BCAS3: variants seen among roughly 807,000 people sequenced by gnomAD.
The protein encoded by BCAS3 is BCAS3 microtubule associated cell migration factor.
In BCAS3, 53 loss-of-function variants were observed where a neutral mutation model predicts 116.1. The observed-to-expected ratio is 0.46, with a 90% CI of 0.37 to 0.57. The LOEUF (loss-of-function observed/expected upper bound fraction) is 0.57, where lower values mean the gene tolerates loss of function less well. Among genes scored for constraint, BCAS3 ranks in the 20% least tolerant of loss-of-function variants. The pLI is 0.00. For missense variants in BCAS3, 917 were observed against 1,165.4 expected (o/e 0.79, Z 3.10); for synonymous variants, 391 against 408.2 (o/e 0.96, Z 0.51).
Position 60,926,556 on chromosome 17 carries a change from C to G in BCAS3, c.1087+2056C>G, listed in dbSNP as rs780078484. 6.7e-4 allele frequency among the ~76,000 whole-genome samples: 102 copies of G among 151,946 alleles called. 1 individual carries two copies. The highest frequency in any genetic ancestry group is 1.2e-3 in the Non-Finnish European group (83 of 67,996). ...GTAGGATTGATTTAATTAATAAAGG[C>G]AAGATTTATTGAAATTCTGTGAGTG... On this transcript the variant is annotated intron_variant, in intron 13 of 23. Transcript: ENST00000407086.
intron 9 of BCAS3, among the ~76,000 whole-genome samples, chr17:60,885,236 A>C (rs2056528098): frequency 1.2e-4 from 2 of 16,306 alleles, no homozygotes; most frequent in South Asian, 1.2e-3. Context: ...GTTGGTTTAA[A>C]GTCTGTTTTA....
chr17:60,747,692 C>T (rs910135037), intron 6 of BCAS3, among the ~76,000 whole-genome samples: 1 of 152,032 alleles, frequency 6.6e-6, no homozygotes, highest in Non-Finnish European at 1.5e-5. Flanking sequence ...GTTCTCATGC[C>T]TTTGCCCTCC....
intron 6 of BCAS3, among the ~76,000 whole-genome samples, chr17:60,768,982 G>A (rs555654113): frequency 6.6e-6 from 1 of 152,324 alleles, no homozygotes; most frequent in African/African-American, 2.4e-5. Context: ...GCTGTGACAA[G>A]TTAGGCAGGT....
intron 7 of BCAS3, among the ~76,000 whole-genome samples, chr17:60,848,241 G>T (rs1316282131): frequency 6.6e-6 from 1 of 152,080 alleles, no homozygotes; most frequent in South Asian, 2.1e-4. Flanking sequence ...CTCCAAATTT[G>T]TTCTTTTCCA....
intron 4 of BCAS3, among the ~76,000 whole-genome samples, chr17:60,690,395 C>T (rs764953214): frequency 1.3e-5 from 2 of 151,852 alleles, no homozygotes; most frequent in African/African-American, 2.4e-5. Context: ...CATAGCGCGA[C>T]CTTGTCTCTA....
chr17:60,992,666 G>A (rs532414257), intron 15 of BCAS3, among the ~76,000 whole-genome samples: 5 of 151,846 alleles, frequency 3.3e-5, no homozygotes, highest in South Asian at 2.1e-4. Flanking sequence ...ATGTGCCCCC[G>A]AACATAAAAT....
In BCAS3 at chr17:61,213,993, G is replaced by A. The variant is rs1212222855; in HGVS notation, c.2425+129429G>A. On this transcript the variant is annotated intron_variant, in intron 22 of 23. Coordinates refer to ENST00000407086, the MANE Select transcript of BCAS3 (RefSeq NM_017679.5). The surrounding 1 kb of genome is among the most constrained non-coding windows in gnomAD (Gnocchi z 5.4). ...CCCAAAGTGAAAGACAAGAAAAATG[G>A]GGGCTTCACTGCACAGTAGGCTGGA... Among the ~76,000 whole-genome samples the A allele has an allele frequency of 6.6e-6, 1 of 152,122 alleles. No individual in the cohort carries two copies. The highest frequency in any genetic ancestry group is 1.5e-5 in the Non-Finnish European group (1 of 68,034).
At chr17:61,225,056 T>G (rs2082299791) in intron 22 of BCAS3, among the ~76,000 whole-genome samples, 2 of 152,146 alleles carry the variant, frequency 1.3e-5, no homozygotes, top group Admixed American at 1.3e-4. Flanking sequence ...TCCAAATACA[T>G]TTTGGTCTCA....
chr17:60,745,104 A>G (rs1409331673), intron 5 of BCAS3, among the ~76,000 whole-genome samples: 1 of 152,070 alleles, frequency 6.6e-6, no homozygotes, highest in Non-Finnish European at 1.5e-5. Flanking sequence ...ATTTGATAGG[A>G]CCAAAAGCTA....
intron 7 of BCAS3, among the ~76,000 whole-genome samples, chr17:60,834,093 TTATG>T (rs1346091794): frequency 6.6e-6 from 1 of 152,092 alleles, no homozygotes; most frequent in Non-Finnish European, 1.5e-5. Flanking sequence ...TTATCACAAA[TTATG>T]TAATATAATA....
chr17:60,896,242 T>C (rs1444829730), intron 10 of BCAS3, among the ~76,000 whole-genome samples: 1 of 152,138 alleles, frequency 6.6e-6, no homozygotes, highest in African/African-American at 2.4e-5. Flanking sequence ...AGAGAACCAT[T>C]TGGACCCAGG....
chr17:61,160,784 C>A (rs1183055532), intron 22 of BCAS3, among the ~76,000 whole-genome samples: 2 of 152,080 alleles, frequency 1.3e-5, no homozygotes, highest in East Asian at 3.9e-4. Flanking sequence ...GTAAGGAAGG[C>A]CCTACTTGTG....
chr17:61,322,517 A>G (rs1449020161), intron 22 of BCAS3, among the ~76,000 whole-genome samples: 1 of 152,096 alleles, frequency 6.6e-6, no homozygotes. Flanking sequence ...GGGCTGTGAC[A>G]TTTCTTCGCC....
At chr17:61,303,453 C>G (rs1377101210) in intron 22 of BCAS3, among the ~76,000 whole-genome samples, 1 of 152,146 alleles carries the variant, frequency 6.6e-6, no homozygotes, top group Non-Finnish European at 1.5e-5. Context: ...AGTTTGAGTA[C>G]TGATCTAGGT....
intron 6 of BCAS3, among the ~76,000 whole-genome samples, chr17:60,751,894 T>C (rs2042503498): frequency 2.0e-5 from 3 of 152,206 alleles, no homozygotes; most frequent in African/African-American, 7.2e-5. Flanking sequence ...ACTGAAAATA[T>C]TGATTATTAA....
At chr17:60,886,870 AGTCTG>A (rs1257635572) in intron 9 of BCAS3, among the ~76,000 whole-genome samples, 1 of 150,694 alleles carries the variant, frequency 6.6e-6, no homozygotes, top group Non-Finnish European at 1.5e-5. Flanking sequence ...GGGACATTTA[AGTCTG>A]CAGAGGTTAC....
At chr17:61,174,344 C>T (rs567813698) in intron 22 of BCAS3, among the ~76,000 whole-genome samples, 1 of 152,146 alleles carries the variant, frequency 6.6e-6, no homozygotes, top group African/African-American at 2.4e-5. Flanking sequence ...TGATAACCAC[C>T]GTTCTACTAT....
Position 61,391,843 on chromosome 17 carries a change from AG to A in BCAS3, c.2594-132del. The A allele has an allele frequency of 1.1e-6, 1 of 921,462 alleles. No homozygotes were observed. Among genetic ancestry groups the A allele is most frequent in the Non-Finnish European group, 1.6e-6 (1 of 609,586 alleles). 57.1% of individuals were successfully genotyped at this position (921,462 alleles called of 1,614,324 possible). On this transcript the variant is annotated intron_variant, in intron 23 of 23. Transcript: ENST00000407086. The surrounding 1 kb of genome is among the most constrained non-coding windows in gnomAD (Gnocchi z 7.7). ...GCTGCCCCCTGCCCATCCAGGGAGC[AG>A]GCGGGGATCCCCCTGCGGAAGGACA...
chr17:61,238,046 GTTTTGT>G (rs1208652561), intron 22 of BCAS3, among the ~76,000 whole-genome samples: 3 of 152,020 alleles, frequency 2.0e-5, no homozygotes, highest in Non-Finnish European at 2.9e-5. Context: ...ATGAACAAGA[GTTTTGT>G]TTTTGTTTTT....
Sources: allele counts gnomAD v4.1 joint callset (sites outside exome capture counted in the v4.1 genomes callset), GRCh38; gene constraint gnomAD v4.1.1; non-coding constraint Gnocchi (gnomAD v3.1); transcripts MANE v1.5; gene names NCBI Gene and HGNC (gene_info 2026-07-23, HGNC 2026-07-21).